Variants in TAB2 observed in about 807,000 individuals in gnomAD.
TAB2 encodes TGF-beta-activated kinase 1 and MAP3K7-binding protein 2.
A neutral mutation model predicts 65.0 loss-of-function variants in TAB2; 3 were observed. That is an observed-to-expected ratio of 0.05 (90% CI 0.02 to 0.12). TAB2 has a LOEUF of 0.12. Among genes scored for constraint, TAB2 ranks in the 10% least tolerant of loss-of-function variants. The pLI is 1.00. For missense variants in TAB2, 623 were observed against 840.3 expected (o/e 0.74, Z 3.20); for synonymous variants, 298 against 285.1 (o/e 1.05, Z -0.46).
chr6:149,253,980 A>C (rs1430136598), intron 1 of TAB2, among the ~76,000 whole-genome samples: 1 of 144,430 alleles, frequency 6.9e-6, no homozygotes, highest in Non-Finnish European at 1.5e-5. Context: ...GAAAGAAAGA[A>C]AGAAAGAAAG....
chr6:149,303,544 TAGA>T (rs1251806717), intron 1 of TAB2, among the ~76,000 whole-genome samples: 3 of 152,180 alleles, frequency 2.0e-5, no homozygotes, highest in East Asian at 1.9e-4. Flanking sequence ...TGTTTACAAA[TAGA>T]AGAAAATACA....
intron 1 of TAB2, among the ~76,000 whole-genome samples, chr6:149,358,817 A>G (rs1377863680): frequency 1.3e-5 from 2 of 150,410 alleles, no homozygotes; most frequent in Admixed American, 6.6e-5. Flanking sequence ...TTTCTCTTCC[A>G]TATATTCCAT....
chr6:149,402,817 T>A (rs1409855116), intron 6 of TAB2, among the ~76,000 whole-genome samples: 1 of 152,182 alleles, frequency 6.6e-6, no homozygotes, highest in Non-Finnish European at 1.5e-5. Flanking sequence ...TAAGGATGGT[T>A]CAACATACAC....
chr6:149,275,363 C>A (rs1439828373), intron 1 of TAB2, among the ~76,000 whole-genome samples: 1 of 151,810 alleles, frequency 6.6e-6, no homozygotes. Flanking sequence ...AGGCACTCGC[C>A]AACGAAAGAA....
intron 1 of TAB2, among the ~76,000 whole-genome samples, chr6:149,258,286 A>G (rs553813406): frequency 2.0e-5 from 3 of 152,276 alleles, no homozygotes; most frequent in South Asian, 2.1e-4. Flanking sequence ...GCCGCTTTCT[A>G]TGGTGTAAAT....
chr6:149,306,261 C>G (rs1216741024), intron 1 of TAB2, among the ~76,000 whole-genome samples: 1 of 152,034 alleles, frequency 6.6e-6, no homozygotes, highest in East Asian at 1.9e-4. Flanking sequence ...CAAAAATTGG[C>G]CGGGTGCGGT....
chr6:149,225,734 C>T (rs1777255109), intron 1 of TAB2, among the ~76,000 whole-genome samples: 1 of 151,920 alleles, frequency 6.6e-6, no homozygotes, highest in South Asian at 2.1e-4. Context: ...ACGAGGCAGT[C>T]GGTGAAAAGC....
chr6:149,247,370 A>T (rs1321442854), intron 1 of TAB2: 1 of 152,234 alleles, frequency 6.6e-6, no homozygotes, highest in Non-Finnish European at 1.5e-5. Flanking sequence ...TCTGGGGTAG[A>T]CACCAATCAT....
intron 1 of TAB2, among the ~76,000 whole-genome samples, chr6:149,322,328 T>A (rs1268180798): frequency 2.6e-5 from 4 of 152,134 alleles, no homozygotes; most frequent in Non-Finnish European, 5.9e-5. Flanking sequence ...TGAGCTTTTT[T>A]AAAAACTGTG....
chr6:149,254,771 A>C (rs1044350669), intron 1 of TAB2, among the ~76,000 whole-genome samples: 8 of 152,250 alleles, frequency 5.3e-5, no homozygotes, highest in African/African-American at 1.9e-4. Flanking sequence ...CATTAAAAAT[A>C]ATTTATATAT....
chr6:149,286,149 C>T (rs1285960072), intron 1 of TAB2, among the ~76,000 whole-genome samples: 2 of 152,112 alleles, frequency 1.3e-5, no homozygotes, highest in Non-Finnish European at 2.9e-5. Context: ...GTTTTTCAAA[C>T]TTAATTACAC....
In TAB2 at chr6:149,399,105, A is replaced by G. The variant is rs1782277005; in HGVS notation, c.1860A>G (p.Gly620=). The change falls in exon 6 of 7, where the codon GGA becomes GGG. Residue 620 remains glycine (G), a splice_region_variant and synonymous_variant. Transcript: ENST00000637181. ...ATATTTACTTTTTATATATTTCAGG[A>G]CCACATTTTAACCCCAGCGCTATTC... The part of the protein sequence containing the change: ...TKEIDLFQAR[G]PHFNPSAIHN... The G allele has an allele frequency of 1.2e-6, 2 of 1,612,674 alleles. No individual in the cohort carries two copies. The highest frequency in any genetic ancestry group is 8.5e-7 in the Non-Finnish European group (1 of 1,179,034).
intron 1 of TAB2, among the ~76,000 whole-genome samples, chr6:149,252,233 C>T (rs1327757313): frequency 1.3e-5 from 2 of 151,938 alleles, no homozygotes; most frequent in South Asian, 2.1e-4. Flanking sequence ...ATGGAGAAAC[C>T]CATCTCTACT....
intron 1 of TAB2, among the ~76,000 whole-genome samples, chr6:149,305,017 T>C (rs555790171): frequency 6.2e-4 from 95 of 152,236 alleles, no homozygotes; most frequent in Non-Finnish European, 1.3e-3. Context: ...TGCTACCTAC[T>C]GTATTTTTAC....
At chr6:149,310,900 T>C (rs772641062) in intron 1 of TAB2, among the ~76,000 whole-genome samples, 1 of 152,194 alleles carries the variant, frequency 6.6e-6, no homozygotes, top group Non-Finnish European at 1.5e-5. Flanking sequence ...TCTAAAGTGA[T>C]AAAAAGGAAA....
chr6:149,393,183 C>G (rs2789490), intron 3 of TAB2, among the ~76,000 whole-genome samples: 18,596 of 152,092 alleles, frequency 0.12, 1,739 homozygotes, highest in East Asian at 0.51. Flanking sequence ...TTTATAACAG[C>G]CATACCTAGA....
At chr6:149,275,286 A>T (rs190077823) in intron 1 of TAB2, among the ~76,000 whole-genome samples, 84 of 146,610 alleles carry the variant, frequency 5.7e-4, no homozygotes, top group African/African-American at 2.0e-3. Flanking sequence ...GAAAGAAAGA[A>T]AGAAAGAAAG....
At chr6:149,376,261 C>A (rs1372374025) in intron 2 of TAB2, among the ~76,000 whole-genome samples, 1 of 152,194 alleles carries the variant, frequency 6.6e-6, no homozygotes, top group African/African-American at 2.4e-5. Flanking sequence ...CAATAGACTT[C>A]TCTTCCCTGA....
chr6:149,360,000 A>C (rs915495981), intron 1 of TAB2, among the ~76,000 whole-genome samples: 31 of 152,224 alleles, frequency 2.0e-4, no homozygotes, highest in African/African-American at 7.0e-4. Flanking sequence ...TAATGGAAGT[A>C]CATTAATAAG....
Sources: gnomAD v4.1 joint callset for allele counts (sites outside exome capture counted in the v4.1 genomes callset) on GRCh38, gnomAD v4.1.1 for gene constraint, MANE v1.5 for transcripts, NCBI Gene and HGNC (gene_info 2026-07-23, HGNC 2026-07-21) for gene names.